The following CPN1 variants were observed in gnomAD, a reference collection of about 807,000 sequenced individuals.
The protein encoded by CPN1 is carboxypeptidase N catalytic chain.
In CPN1, 37 loss-of-function variants were observed where a neutral mutation model predicts 46.4. That is an observed-to-expected ratio of 0.80 (90% CI 0.61 to 1.05). The LOEUF (loss-of-function observed/expected upper bound fraction) is 1.05, where lower values mean the gene tolerates loss of function less well. CPN1 is among the 50% of genes least tolerant of loss of function. The pLI is 0.00. For missense variants in CPN1, 563 were observed against 602.6 expected (o/e 0.93, Z 0.69); for synonymous variants, 224 against 235.4 (o/e 0.95, Z 0.44).
chr10:100,060,423 G>A (rs556435093), intron 5 of CPN1, among the ~76,000 whole-genome samples: 1 of 152,176 alleles, frequency 6.6e-6, no homozygotes, highest in Middle Eastern at 3.4e-3. Context: ...TTAGCCAGGT[G>A]TGGTGGCAGG....
intron 2 of CPN1, among the ~76,000 whole-genome samples, chr10:100,070,694 C>G (rs1286764545): frequency 6.6e-6 from 1 of 152,160 alleles, no homozygotes; most frequent in Middle Eastern, 3.2e-3. Flanking sequence ...AAGTTCCCTG[C>G]AGATCACGTG....
intron 3 of CPN1, among the ~76,000 whole-genome samples, chr10:100,068,383 T>A (rs2041466652): frequency 6.6e-6 from 1 of 151,694 alleles, no homozygotes; most frequent in Admixed American, 6.6e-5. Context: ...CTGGCTAATT[T>A]TTTGTATTTT....
Position 100,075,967 on chromosome 10 carries a change from G to T in CPN1, c.364C>A (p.Arg122Ser), listed in dbSNP as rs540311121. Reference protein sequence around the residue: ...QRIVQLIQDTRIHILPSMNPD... With the variant: ...QRIVQLIQDTSIHILPSMNPD... ...TTCATGGATGGCAGGATGTGAATGC[G>T]CGTGTCCTGGATGAGCTGGACGATG... Residue 122 changes from arginine to serine, a missense_variant, in exon 2 of 9, where the codon CGC becomes AGC. Physicochemically the swap from Arg to Ser is moderately radical, Grantham distance 110. Transcript: ENST00000370418. The T allele has an allele frequency of 1.2e-6, 2 of 1,614,144 alleles. No individual in the cohort carries two copies. Among genetic ancestry groups the T allele is most frequent in the African/African-American group, 2.7e-5 (2 of 75,032 alleles).
At chr10:100,044,287 AG>A (rs1472345596) in intron 8 of CPN1, among the ~76,000 whole-genome samples, 1 of 152,234 alleles carries the variant, frequency 6.6e-6, no homozygotes, top group African/African-American at 2.4e-5. Flanking sequence ...AAATGAGGCA[AG>A]GACAGAGGAA....
At chr10:100,049,411 C>T (rs567231028) in intron 7 of CPN1, among the ~76,000 whole-genome samples, 35 of 150,640 alleles carry the variant, frequency 2.3e-4, no homozygotes, top group Non-Finnish European at 4.6e-4. Context: ...TAGAGGCGTG[C>T]ACCACCACAC....
intron 7 of CPN1, among the ~76,000 whole-genome samples, chr10:100,050,983 C>A (rs2041348469): frequency 6.6e-6 from 1 of 152,106 alleles, no homozygotes; most frequent in Admixed American, 6.5e-5. Context: ...GTGGCTCATA[C>A]CACTGCACTC....
rs572899275 is a variant in CPN1 at position 100,058,074 on chromosome 10, A to C, written c.872-922T>G. ...TGACCTCTATTTCTTTCTTTCCTCC[A>C]TAACATTTTTCCCAAGTTCCCAGTT... On this transcript the variant is annotated intron_variant, in intron 5 of 8. Coordinates refer to ENST00000370418, the MANE Select transcript of CPN1 (RefSeq NM_001308.3). Among the ~76,000 whole-genome samples the C allele has an allele frequency of 7.9e-5, 12 of 152,032 alleles. No homozygotes were observed. In the South Asian group the frequency reaches 2.5e-3, roughly 32 times the overall value.
intron 2 of CPN1, among the ~76,000 whole-genome samples, chr10:100,072,194 G>C (rs1045232302): frequency 6.6e-6 from 1 of 151,952 alleles, no homozygotes; most frequent in African/African-American, 2.4e-5. Flanking sequence ...TTTTTGTTTT[G>C]AGACAGGGTC....
intron 5 of CPN1, among the ~76,000 whole-genome samples, chr10:100,059,619 A>G (rs1326651035): frequency 2.0e-5 from 3 of 147,532 alleles, no homozygotes; most frequent in Non-Finnish European, 4.5e-5. Context: ...AGAGTTGGTG[A>G]GGATGTGGAA....
chr10:100,055,343 C>G (rs1237813179), intron 6 of CPN1, among the ~76,000 whole-genome samples: 1 of 151,704 alleles, frequency 6.6e-6, no homozygotes, highest in Non-Finnish European at 1.5e-5. Flanking sequence ...CAATGATTCT[C>G]CATTATCCCC....
chr10:100,061,425 C>A (rs1329497946), intron 5 of CPN1, among the ~76,000 whole-genome samples: 1 of 152,206 alleles, frequency 6.6e-6, no homozygotes, highest in Non-Finnish European at 1.5e-5. Context: ...GCATTAGAAT[C>A]ACCTAGAAGG....
rs1455805925 is a variant in CPN1, at chr10:100,063,638, C to T, written c.847G>A (p.Ala283Thr). 1 of 1,613,722 alleles carries T rather than the reference C, an allele frequency of 6.2e-7. No homozygotes were observed. The highest frequency in any genetic ancestry group is 8.5e-7 in the Non-Finnish European group (1 of 1,179,674). ...CCCTTGCTGAGAGAATACCAGGAAG[C>T]CCCATTGGTGATGCCATCTGGGAAG... ...DYFPDGITNGASWYSLSKGMQ... is the reference protein window; with the variant it reads ...DYFPDGITNGTSWYSLSKGMQ... Residue 283 changes from alanine to threonine, a missense_variant, in exon 5 of 9, where the codon GCT becomes ACT. Ala to Thr is a moderately conservative substitution (Grantham distance 58, BLOSUM62 0). Transcript: ENST00000370418.
At chr10:100,049,676 C>A (rs768289958) in intron 7 of CPN1, among the ~76,000 whole-genome samples, 1 of 151,990 alleles carries the variant, frequency 6.6e-6, no homozygotes, top group African/African-American at 2.4e-5. Context: ...CAAAGTGCTG[C>A]GATTACAGGC....
chr10:100,063,837 G>A, intron 4 of CPN1, 112 bp from the exon 5 acceptor site: 1 of 790,078 alleles, frequency 1.3e-6, no homozygotes. Flanking sequence ...ATAAACAGTG[G>A]ATTATTTGCT....
intron 4 of CPN1, among the ~76,000 whole-genome samples, chr10:100,064,903 T>G (rs984934596): frequency 6.6e-6 from 1 of 152,158 alleles, no homozygotes; most frequent in Non-Finnish European, 1.5e-5. Flanking sequence ...TTAATGACAC[T>G]CGTGCTATTA....
chr10:100,076,236 A>C, intron 1 of CPN1, 129 bp from the exon 2 acceptor site: 2 of 903,932 alleles, frequency 2.2e-6, no homozygotes, highest in Non-Finnish European at 3.5e-6. Flanking sequence ...GTCTTTTGCA[A>C]TAATCCCTGA....
intron 3 of CPN1, among the ~76,000 whole-genome samples, chr10:100,067,797 A>G (rs2133442278): frequency 6.6e-6 from 1 of 152,204 alleles, no homozygotes; most frequent in Middle Eastern, 3.4e-3. Context: ...GGATCCTCTG[A>G]TTGGAAGAGT....
intron 7 of CPN1, among the ~76,000 whole-genome samples, chr10:100,053,402 G>A (rs1440600040): frequency 6.6e-6 from 1 of 152,048 alleles, no homozygotes; most frequent in East Asian, 1.9e-4. Flanking sequence ...ACTTTGGGAG[G>A]CTTTTGAGCC....
In CPN1 at chr10:100,042,351, A is replaced by T. The variant is rs2041279382; in HGVS notation, c.*76T>A. ...TGTATTTAAATATGTCCCAGATAAT[A>T]AAATAGAAAGAATGCTTGATCTGAT... On this transcript the variant is annotated 3_prime_UTR_variant, in exon 9 of 9. Transcript: ENST00000370418. The T allele has an allele frequency of 1.3e-6, 2 of 1,571,214 alleles. No individual in the cohort carries two copies. The highest frequency in any genetic ancestry group is 2.7e-5 in the African/African-American group (2 of 74,088).
Sources: allele counts gnomAD v4.1 joint callset (sites outside exome capture counted in the v4.1 genomes callset), GRCh38; gene constraint gnomAD v4.1.1; transcripts MANE v1.5; gene names NCBI Gene and HGNC (gene_info 2026-07-23, HGNC 2026-07-21).